Variants in KIF16B observed in about 807,000 individuals in gnomAD.
KIF16B encodes kinesin-like protein KIF16B.
KIF16B carries 98 observed loss-of-function variants against 156.3 expected under a neutral mutation model. The ratio of observed to expected loss-of-function variants is 0.63; its 90% confidence interval spans 0.53 to 0.74. KIF16B has a LOEUF of 0.74. KIF16B is among the 30% of genes least tolerant of loss of function. The pLI, the probability that KIF16B is intolerant of heterozygous loss-of-function variation, is 0.00. For missense variants in KIF16B, 1,421 were observed against 1,606.5 expected (o/e 0.88, Z 1.97); for synonymous variants, 564 against 583.7 (o/e 0.97, Z 0.49).
At chr20:16,378,479 A>T (rs1169021782) in intron 19 of KIF16B, among the ~76,000 whole-genome samples, 1 of 152,122 alleles carries the variant, frequency 6.6e-6, no homozygotes, top group Non-Finnish European at 1.5e-5. Context: ...ATCAAAGTGG[A>T]AACTTTCTAG....
chr20:16,444,373 C>CA (rs11483828), intron 12 of KIF16B, among the ~76,000 whole-genome samples: 7,797 of 143,450 alleles, frequency 0.054, 662 homozygotes, highest in African/African-American at 0.18. Flanking sequence ...TCAGATGGTC[C>CA]AAAAAAAAAA....
At chr20:16,496,838 G>A (rs1283935110) in intron 11 of KIF16B, among the ~76,000 whole-genome samples, 1 of 152,114 alleles carries the variant, frequency 6.6e-6, no homozygotes, top group Non-Finnish European at 1.5e-5. Context: ...AATTATCCTA[G>A]ATGTGTCAAC....
chr20:16,531,837 G>A (rs886147411), intron 1 of KIF16B, among the ~76,000 whole-genome samples: 7 of 152,188 alleles, frequency 4.6e-5, no homozygotes, highest in South Asian at 2.1e-4. Context: ...GGGAGGCCGA[G>A]GCAAGTGGAT....
At chr20:16,420,489 T>A (rs1031216610) in intron 15 of KIF16B, among the ~76,000 whole-genome samples, 1 of 152,068 alleles carries the variant, frequency 6.6e-6, no homozygotes, top group East Asian at 1.9e-4. Flanking sequence ...AAGAGACATC[T>A]GAATACCAAA....
chr20:16,494,373 G>A lies in KIF16B; in HGVS notation c.1243-23C>T, dbSNP rs1184751638. ...AACCTGAAAAGAAAAATATACATAC[G>A]TGACTGCTTCATAAAGAAAGTTTAT... On this transcript the variant is annotated intron_variant, in intron 11 of 25. Coordinates refer to ENST00000354981, the MANE Select transcript of KIF16B (RefSeq NM_024704.5). 13 of 1,462,844 alleles carry A rather than the reference G, an allele frequency of 8.9e-6. No homozygotes were observed. The East Asian group carries it at 1.4e-4, about 16-fold the overall frequency. 90.6% of individuals were successfully genotyped at this position (1,462,844 alleles called of 1,614,324 possible). A position where few individuals can be genotyped will look rare whatever the true frequency, so the allele number is the denominator to read the frequency against.
intron 20 of KIF16B, among the ~76,000 whole-genome samples, chr20:16,373,347 A>G (rs1000977934): frequency 2.6e-5 from 4 of 152,354 alleles, no homozygotes; most frequent in African/African-American, 9.6e-5. Flanking sequence ...ATCCAAATAT[A>G]TATCTCCTAA....
intron 15 of KIF16B, among the ~76,000 whole-genome samples, chr20:16,411,905 G>A (rs1207322505): frequency 2.7e-5 from 4 of 148,178 alleles, no homozygotes; most frequent in Admixed American, 2.7e-4. Flanking sequence ...TGGACATTTC[G>A]GATTTCTGAT....
intron 12 of KIF16B, among the ~76,000 whole-genome samples, chr20:16,456,488 A>G (rs901791672): frequency 6.6e-6 from 1 of 152,110 alleles, no homozygotes; most frequent in Non-Finnish European, 1.5e-5. Flanking sequence ...TCCAAAACAT[A>G]CATACCTTGT....
At chr20:16,490,711 A>G (rs143763486) in intron 12 of KIF16B, among the ~76,000 whole-genome samples, 6 of 152,314 alleles carry the variant, frequency 3.9e-5, no homozygotes, top group Non-Finnish European at 8.8e-5. Context: ...CAGCACCTTG[A>G]TCTTGGACTT....
intron 25 of KIF16B, among the ~76,000 whole-genome samples, chr20:16,296,566 G>C (rs2063389465): frequency 6.6e-6 from 1 of 152,190 alleles, no homozygotes; most frequent in African/African-American, 2.4e-5. Flanking sequence ...TCCCTGTTAT[G>C]TATTTGCCAA....
At chr20:16,426,509 C>A (rs569922021) in intron 15 of KIF16B, among the ~76,000 whole-genome samples, 1 of 152,102 alleles carries the variant, frequency 6.6e-6, no homozygotes, top group South Asian at 2.1e-4. Context: ...AAGACTTGAA[C>A]GAGGTCTGAG....
chr20:16,328,188 A>G (rs2063889256), intron 24 of KIF16B, among the ~76,000 whole-genome samples: 1 of 152,186 alleles, frequency 6.6e-6, no homozygotes, highest in African/African-American at 2.4e-5. Context: ...CTGGGTACCC[A>G]GAGAATGCCA....
chr20:16,356,011 G>T (rs2064434173), intron 23 of KIF16B, among the ~76,000 whole-genome samples: 1 of 152,158 alleles, frequency 6.6e-6, no homozygotes, highest in South Asian at 2.1e-4. Context: ...AGGACTGTGG[G>T]GTTTCCCAAG....
chr20:16,531,382 A>G (rs2069740950), intron 1 of KIF16B, among the ~76,000 whole-genome samples: 12 of 152,252 alleles, frequency 7.9e-5, no homozygotes, highest in Non-Finnish European at 2.9e-5. Flanking sequence ...TAAAAAAATA[A>G]AGAAGTAATA....
chr20:16,491,833 A>C (rs2068301698), intron 12 of KIF16B, among the ~76,000 whole-genome samples: 1 of 152,186 alleles, frequency 6.6e-6, no homozygotes, highest in Non-Finnish European at 1.5e-5. Context: ...AGGACCGTGG[A>C]TTCCACTCAC....
chr20:16,429,878 G>C lies in KIF16B; in HGVS notation c.1407C>G (p.Ile469Met). Residue 469 changes from isoleucine to methionine, a missense_variant, in exon 13 of 26, where the codon ATC (isoleucine) becomes ATG (methionine). Transcript: ENST00000354981. ...IDDDLLSTGI[I>M]LYHLKEGQTY... ...CAGTTTCTACCTTTAAATGATATAA[G>C]ATGATTCCAGTACTCAAAAGGTCAT... 1 of 1,610,398 alleles carries C rather than the reference G, an allele frequency of 6.2e-7. No homozygotes were observed. Among genetic ancestry groups the C allele is most frequent in the Non-Finnish European group, 8.5e-7 (1 of 1,178,770 alleles).
At chr20:16,518,287 G>C (rs1209838305) in intron 3 of KIF16B, among the ~76,000 whole-genome samples, 1 of 152,178 alleles carries the variant, frequency 6.6e-6, no homozygotes, top group African/African-American at 2.4e-5. Flanking sequence ...AGGATGCACC[G>C]AGCATCGCCC....
At chr20:16,290,664 G>A (rs2063301688) in intron 25 of KIF16B, among the ~76,000 whole-genome samples, 1 of 152,174 alleles carries the variant, frequency 6.6e-6, no homozygotes, top group South Asian at 2.1e-4. Context: ...TGTCCCTTGG[G>A]GGAGTCAGGG....
At chr20:16,422,579 T>C (rs921650088) in intron 15 of KIF16B, among the ~76,000 whole-genome samples, 1 of 152,084 alleles carries the variant, frequency 6.6e-6, no homozygotes, top group African/African-American at 2.4e-5. Context: ...CAGCAGCCAG[T>C]ATGGATGTTT....
Sources: gnomAD v4.1 joint callset for allele counts (sites outside exome capture counted in the v4.1 genomes callset) on GRCh38, gnomAD v4.1.1 for gene constraint, MANE v1.5 for transcripts, NCBI Gene and HGNC (gene_info 2026-07-23, HGNC 2026-07-21) for gene names.